The following RERE variants were observed in gnomAD, a reference collection of about 807,000 sequenced individuals.
The protein encoded by RERE is arginine-glutamic acid dipeptide repeats, also known as arginine-glutamic acid dipeptide repeats protein.
In RERE, 40 loss-of-function variants were observed where a neutral mutation model predicts 146.1. The ratio of observed to expected loss-of-function variants is 0.27; its 90% CI spans 0.21 to 0.36. RERE has a LOEUF of 0.36. RERE is among the 10% of genes least tolerant of loss of function. The pLI, the probability that RERE is intolerant of heterozygous loss-of-function variation, is 1.00. For missense variants in RERE, 1,933 were observed against 2,138.7 expected (o/e 0.90, Z 1.90); for synonymous variants, 1,003 against 866.0 (o/e 1.16, Z -2.78).
chr1:8,772,956 A>C lies in RERE; in HGVS notation c.-145+44204T>G, dbSNP rs559872289. 2.3e-4 allele frequency among the ~76,000 whole-genome samples: 35 copies of C among 152,238 alleles called. No individual in the cohort carries two copies. The Middle Eastern group carries it at 0.01, about 44-fold the overall frequency. Reference sequence around the variant, plus strand: ...ACAAAAATTAGCCAGGCTTGGTGGCACATGCATGTAATCCCAGCTACTTGG... The same window carrying C: ...ACAAAAATTAGCCAGGCTTGGTGGCCCATGCATGTAATCCCAGCTACTTGG... On this transcript the variant is annotated intron_variant, in intron 1 of 22. Transcript: ENST00000400908.
chr1:8,603,413 C>T (rs925114769), intron 4 of RERE, among the ~76,000 whole-genome samples: 4 of 152,240 alleles, frequency 2.6e-5, no homozygotes, highest in Non-Finnish European at 4.4e-5. Context: ...CAGCCGTCTA[C>T]ACAAACCAGG....
intron 1 of RERE, among the ~76,000 whole-genome samples, chr1:8,787,830 C>CA (rs1254862943): frequency 0.64 from 75,144 of 117,798 alleles, 23,094 homozygotes; most frequent in East Asian, 0.83. Flanking sequence ...GACTCTGCCT[C>CA]AAAAAAAAAA....
Position 8,797,715 on chromosome 1 carries a change from T to C in RERE, c.-145+19445A>G, listed in dbSNP as rs914972142. On this transcript the variant is annotated intron_variant, in intron 1 of 22. Transcript: ENST00000400908. The stretch of plus-strand genomic sequence containing the variant: ...TTGGAAATCAGTTTCAACTGTAAGT[T>C]ACTTTAAATCCAGTACCAAAGCACT... Among the ~76,000 whole-genome samples the C allele has an allele frequency of 2.6e-5, 4 of 152,382 alleles. No individual in the cohort carries two copies. The East Asian group carries it at 7.7e-4, about 29-fold the overall frequency.
At chr1:8,459,334 A>G (rs1341061446) in intron 11 of RERE, among the ~76,000 whole-genome samples, 1 of 152,098 alleles carries the variant, frequency 6.6e-6, no homozygotes, top group Non-Finnish European at 1.5e-5. Flanking sequence ...TATTTCTCTT[A>G]TTTTTCCTAC....
chr1:8,589,193 A>G (rs1426196379), intron 4 of RERE, among the ~76,000 whole-genome samples: 1 of 151,872 alleles, frequency 6.6e-6, no homozygotes, highest in African/African-American at 2.4e-5. Context: ...TAATCTCAGA[A>G]CTTTGGAAGG....
chr1:8,661,730 C>G (rs1311696767), intron 1 of RERE, among the ~76,000 whole-genome samples: 1 of 152,162 alleles, frequency 6.6e-6, no homozygotes, highest in Non-Finnish European at 1.5e-5. Context: ...GTTTGAGTTT[C>G]ATGGGGAGAC....
At chr1:8,777,737 G>A (rs1035176674) in intron 1 of RERE, among the ~76,000 whole-genome samples, 3 of 151,526 alleles carry the variant, frequency 2.0e-5, no homozygotes, top group African/African-American at 7.3e-5. Context: ...TGGTTTCACC[G>A]CATTAGCCAG....
At chr1:8,502,516 G>A (rs1262476351) in intron 8 of RERE, among the ~76,000 whole-genome samples, 3 of 126,004 alleles carry the variant, frequency 2.4e-5, no homozygotes, top group Admixed American at 7.6e-5. Context: ...GGTCAGGGGC[G>A]CTTCTGCCCG....
chr1:8,711,825 T>A (rs1453733152), intron 1 of RERE, among the ~76,000 whole-genome samples: 2 of 152,240 alleles, frequency 1.3e-5, no homozygotes, highest in Non-Finnish European at 2.9e-5. Context: ...CAGATAATTG[T>A]ATGACTTATT....
chr1:8,750,356 C>T lies in RERE; in HGVS notation c.-145+66804G>A, dbSNP rs560852935. ...GTGCTACATGTAGAAACCATTCTGC[C>T]TCATTCAACATCTGTGAGTGTCACA... On this transcript the variant is annotated intron_variant, in intron 1 of 22. Transcript: ENST00000400908. The T allele has an allele frequency of 4.8e-6, 3 of 624,988 alleles. No individual in the cohort carries two copies. The Admixed American group carries it at 8.2e-5, about 17-fold the overall frequency. 38.7% of individuals were successfully genotyped at this position (624,988 alleles called of 1,614,324 possible).
chr1:8,770,306 T>TA (rs900158019), intron 1 of RERE, among the ~76,000 whole-genome samples: 1 of 152,046 alleles, frequency 6.6e-6, no homozygotes, highest in African/African-American at 2.4e-5. Context: ...GGTACTTATT[T>TA]AAAAAAAAAT....
At chr1:8,796,891 A>T (rs1345540731) in intron 1 of RERE, among the ~76,000 whole-genome samples, 2 of 152,202 alleles carry the variant, frequency 1.3e-5, no homozygotes. Context: ...AAATCAACAG[A>T]AAACCATCTA....
rs527815878 is a variant in RERE at position 8,366,386 on chromosome 1, G to A, written c.1285-412C>T. 9.8e-5 allele frequency among the ~76,000 whole-genome samples: 15 copies of A among 152,330 alleles called. No individual in the cohort carries two copies. The South Asian group carries it at 1.5e-3, about 15-fold the overall frequency. On this transcript the variant is annotated intron_variant, in intron 12 of 22. Coordinates refer to ENST00000400908, the MANE Select transcript of RERE (RefSeq NM_001042681.2). ...GTCTGTGCATGTGTGTGAACACAAC[G>A]ATGCTTTCTTTACAGTAATGCCAGT...
intron 12 of RERE, among the ~76,000 whole-genome samples, chr1:8,410,550 A>C (rs1643585458): frequency 6.6e-6 from 1 of 152,224 alleles, no homozygotes; most frequent in Admixed American, 6.5e-5. Flanking sequence ...GTTCAAAACC[A>C]CAATGGCTTC....
chr1:8,535,052 G>C (rs1412722318), intron 7 of RERE, among the ~76,000 whole-genome samples: 1 of 151,982 alleles, frequency 6.6e-6, no homozygotes, highest in Non-Finnish European at 1.5e-5. Flanking sequence ...AGGGGGGAGG[G>C]AGGATCACTT....
In RERE at chr1:8,358,363, C is replaced by G. The variant is rs1570021389; in HGVS notation, c.4172G>C (p.Ser1391Thr). 2.5e-6 allele frequency: 4 copies of G among 1,611,008 alleles called. No homozygotes were observed. In the East Asian group the frequency reaches 6.7e-5, roughly 27 times the overall value. Reference sequence around the variant, plus strand: ...CTCGGCTGCCAGTCTGTCAGGGTAGCTCATCTCGGGCCGCAGCTGGGGGCC... The same window carrying G: ...CTCGGCTGCCAGTCTGTCAGGGTAGGTCATCTCGGGCCGCAGCTGGGGGCC... The part of the protein sequence containing the change: ...LAGPQLRPEM[S>T]YPDRLAAERI... The change falls in exon 20 of 23, where the codon AGC (serine) becomes ACC (threonine). Residue 1391 changes from serine to threonine, a missense_variant. Physicochemically the swap from Ser to Thr is moderately conservative, Grantham distance 58. Transcript: ENST00000400908.
chr1:8,472,350 C>T (rs1208165165), intron 10 of RERE, among the ~76,000 whole-genome samples: 1 of 152,168 alleles, frequency 6.6e-6, no homozygotes, highest in Non-Finnish European at 1.5e-5. Context: ...CACCTGATCA[C>T]GACCACACAG....
intron 1 of RERE, among the ~76,000 whole-genome samples, chr1:8,701,243 G>T (rs7551149): frequency 6.6e-6 from 1 of 151,120 alleles, no homozygotes; most frequent in Non-Finnish European, 1.5e-5. Context: ...TGTAAAAAAT[G>T]AATTGCCATA....
chr1:8,601,790 G>C (rs896852793), intron 4 of RERE, among the ~76,000 whole-genome samples: 110 of 140,740 alleles, frequency 7.8e-4, no homozygotes, highest in African/African-American at 2.3e-3. Flanking sequence ...CACACACACA[G>C]ACACACATCT....
Sources: gnomAD v4.1 joint callset for allele counts (sites outside exome capture counted in the v4.1 genomes callset) on GRCh38, gnomAD v4.1.1 for gene constraint, MANE v1.5 for transcripts, NCBI Gene and HGNC (gene_info 2026-07-23, HGNC 2026-07-21) for gene names.